STMN1: variants seen among roughly 807,000 people sequenced by gnomAD.
STMN1 encodes the protein stathmin 1.
Under a neutral mutation model 19.7 loss-of-function variants are expected in STMN1, and 3 were observed. That is an observed-to-expected ratio of 0.15 (90% CI 0.07 to 0.39). The LOEUF (loss-of-function observed/expected upper bound fraction) is 0.39. Among genes scored for constraint, STMN1 ranks in the 10% least tolerant of loss-of-function variants. STMN1 has a pLI of 1.00. For missense variants in STMN1, 99 were observed against 176.0 expected (o/e 0.56, Z 2.48); for synonymous variants, 59 against 58.9 (o/e 1.00, Z -0.01).
chr1:25,895,384 G>A (rs982382766), downstream of STMN1, among the ~76,000 whole-genome samples: 2 of 152,168 alleles, frequency 1.3e-5, no homozygotes, highest in Non-Finnish European at 2.9e-5. Flanking sequence ...GGGATTACAG[G>A]CTATTACACG....
Position 25,906,066 on chromosome 1 carries a change from C to T in STMN1, c.-63+323G>A, listed in dbSNP as rs536604636. Reference sequence around the variant, plus strand: ...ACAATGGGGAACCCGGCGGGGCCCGCAGGGAAGGGAGGGAGGGAGGGAGGT... The same window carrying T: ...ACAATGGGGAACCCGGCGGGGCCCGTAGGGAAGGGAGGGAGGGAGGGAGGT... On this transcript the variant is annotated intron_variant, in intron 1 of 4. Transcript: ENST00000455785. The surrounding 1 kb of genome is among the most constrained non-coding windows in gnomAD (Gnocchi z 4.5). The T allele has an allele frequency of 6.7e-6, 1 of 150,140 alleles. No individual in the cohort carries two copies. Among genetic ancestry groups the T allele is most frequent in the East Asian group, 2.0e-4 (1 of 5,018 alleles). The allele number at this position is 150,140 out of a possible 1,614,324, so 9.3% of individuals were successfully genotyped here. A position where few individuals can be genotyped will look rare whatever the true frequency, so the allele number is the denominator to read the frequency against.
At chr1:25,906,458 CAG>C (rs756586254), upstream of STMN1, 10 of 154,322 alleles carry the variant, frequency 6.5e-5, no homozygotes, top group African/African-American at 2.4e-4. The surrounding 1 kb of genome is among the most constrained non-coding windows in gnomAD (Gnocchi z 4.5). Flanking sequence ...AAGCGCCAAA[CAG>C]AGGCACGTGA....
At chr1:25,895,479 C>G (rs2048811613), downstream of STMN1, among the ~76,000 whole-genome samples, 1 of 152,114 alleles carries the variant, frequency 6.6e-6, no homozygotes. Context: ...GTGTCAGGGA[C>G]TGCAAATGCT....
intron 4 of STMN1, among the ~76,000 whole-genome samples, chr1:25,889,937 C>A (rs895212758): frequency 1.3e-5 from 2 of 152,222 alleles, no homozygotes; most frequent in African/African-American, 4.8e-5. Flanking sequence ...CAGGAACACA[C>A]TGCACCTGCC....
exon 5 of STMN1, chr1:25,885,692 C>A: frequency 6.5e-7 from 1 of 1,539,924 alleles, no homozygotes; most frequent in Non-Finnish European, 8.8e-7. Flanking sequence ...AAGGTCATTG[C>A]TATCATCAAC....
intron 1 of STMN1, 89 bp from the exon 2 acceptor site, chr1:25,904,827 C>A: frequency 1.2e-6 from 1 of 850,350 alleles, no homozygotes; most frequent in Non-Finnish European, 1.7e-6. Context: ...CATCTACATA[C>A]ATCGTCAGAA....
rs757086812 is a variant in STMN1, at chr1:25,903,730, G to C, written c.97C>G (p.Pro33Ala). Residue 33 changes from proline (P) to alanine (A), a missense_variant, in exon 3 of 5, where the codon CCA (proline) becomes GCA (alanine). Pro to Ala is a conservative substitution (Grantham distance 27). This residue lies in a region of STMN1 where 37 missense variants were observed against 57.9 expected (regional missense o/e 0.64). Transcript: ENST00000455785. Reference sequence around the variant, plus strand: ...TTTGGAGGGGAAAGGGGGAATTCTGGAACAGATTCTTTTGACCGAGGGCTG... The same window carrying C: ...TTTGGAGGGGAAAGGGGGAATTCTGCAACAGATTCTTTTGACCGAGGGCTG... ...ILSPRSKESV[P>A]EFPLSPPKKK... The C allele has an allele frequency of 1.2e-6, 2 of 1,613,984 alleles. No individual in the cohort carries two copies. The highest frequency in any genetic ancestry group is 1.7e-6 in the Non-Finnish European group (2 of 1,180,022).
rs545561522 is a variant in STMN1 at position 25,901,359 on chromosome 1, C to T, written c.378+132G>A. 10 of 1,227,508 alleles carry T rather than the reference C, an allele frequency of 8.1e-6. No individual in the cohort carries two copies. In the East Asian group the frequency reaches 2.4e-4, roughly 29 times the overall value. The allele number at this position is 1,227,508 out of a possible 1,614,324, so 76.0% of individuals were successfully genotyped here. Reference sequence around the variant, plus strand: ...ATATTCCATCTTAAAATATACCTTTCATTTAATATGTTAAGCCCCAAAATG... The same window carrying T: ...ATATTCCATCTTAAAATATACCTTTTATTTAATATGTTAAGCCCCAAAATG... On this transcript the variant is annotated intron_variant, in intron 4 of 4. Coordinates refer to ENST00000455785, the MANE Select transcript of STMN1 (RefSeq NM_005563.4).
At chr1:25,891,939 C>T (rs1423547717) in intron 4 of STMN1, among the ~76,000 whole-genome samples, 1 of 152,134 alleles carries the variant, frequency 6.6e-6, no homozygotes, top group Non-Finnish European at 1.5e-5. Flanking sequence ...ATGCAGCCTG[C>T]GAGGGGGTCT....
chr1:25,902,926 T>C (rs1448023710), intron 3 of STMN1: 3 of 152,182 alleles, frequency 2.0e-5, no homozygotes, highest in Non-Finnish European at 1.5e-5. Context: ...ATCAGGGTTG[T>C]TGAGAAAGGG....
Position 25,892,717 on chromosome 1 carries a change from G to T in STMN1, c.379-6848C>A, listed in dbSNP as rs2048787273. ...CTAGCCTTCCTGGCCCGGGCACACG[G>T]GACAGCACTACCCCAGGCTTTGCAG... On this transcript the variant is annotated intron_variant, in intron 4 of 4. Transcript: ENST00000426559. 9.5e-6 allele frequency: 4 copies of T among 419,508 alleles called. No homozygotes were observed. In the South Asian group the frequency reaches 4.0e-4, roughly 42 times the overall value. 26.0% of individuals were successfully genotyped at this position (419,508 alleles called of 1,614,324 possible).
At chr1:25,894,560 G>T (rs2048802801) in intron 4 of STMN1, among the ~76,000 whole-genome samples, 1 of 152,064 alleles carries the variant, frequency 6.6e-6, no homozygotes, top group Admixed American at 6.5e-5. Context: ...TGCACCTATA[G>T]TCCAAGCTAC....
intron 3 of STMN1, chr1:25,902,793 T>A (rs541276669): frequency 6.6e-6 from 1 of 152,258 alleles, no homozygotes; most frequent in African/African-American, 2.4e-5. Flanking sequence ...GACGACTCCT[T>A]AGTGTAAGCA....
chr1:25,889,446 A>C (rs2048752953), intron 4 of STMN1, among the ~76,000 whole-genome samples: 6 of 138,088 alleles, frequency 4.3e-5, no homozygotes, highest in African/African-American at 8.2e-5. Flanking sequence ...CCCCACACCT[A>C]CTCCTTCTCC....
intron 4 of STMN1, among the ~76,000 whole-genome samples, chr1:25,890,033 T>G (rs1054681291): frequency 6.6e-6 from 1 of 152,186 alleles, no homozygotes; most frequent in Admixed American, 6.5e-5. Context: ...CCCCCCAGGA[T>G]GTAAACAAGG....
chr1:25,888,266 G>A (rs2048741927), intron 4 of STMN1, among the ~76,000 whole-genome samples: 1 of 152,190 alleles, frequency 6.6e-6, no homozygotes, highest in Middle Eastern at 3.4e-3. Context: ...GAGGGCTGTG[G>A]GAATAGACAT....
At chr1:25,897,245 G>A (rs1201244178), downstream of STMN1, among the ~76,000 whole-genome samples, 6 of 151,542 alleles carry the variant, frequency 4.0e-5, no homozygotes, top group Admixed American at 6.6e-5. Context: ...CTGGGGAGGC[G>A]GAGGTTGCAG....
Position 25,906,172 on chromosome 1 carries a change from C to G in STMN1, c.-63+217G>C, listed in dbSNP as rs2048945542. ...CGGTGATCGCCCAGCCCCCTGCCCA[C>G]GAACAGCCGCGCCCCCGGAGAGCGG... is the stretch of plus-strand genomic sequence containing the variant. On this transcript the variant is annotated intron_variant, in intron 1 of 4. Transcript: ENST00000455785. The surrounding 1 kb of genome is among the most constrained non-coding windows in gnomAD (Gnocchi z 4.5). 6.6e-6 allele frequency: 1 copy of G among 152,254 alleles called. No individual in the cohort carries two copies. The allele number at this position is 152,254 out of a possible 1,614,324, so 9.4% of individuals were successfully genotyped here.
downstream of STMN1, among the ~76,000 whole-genome samples, chr1:25,898,168 G>A (rs1457319457): frequency 6.6e-6 from 1 of 152,224 alleles, no homozygotes; most frequent in African/African-American, 2.4e-5. Context: ...AAATGGGGAG[G>A]GGGCCTGCCT....
Sources: gnomAD v4.1 joint callset for allele counts (sites outside exome capture counted in the v4.1 genomes callset) on GRCh38, gnomAD v4.1.1 for gene constraint, gnomAD v4.1.1 regional missense constraint, Gnocchi (gnomAD v3.1) non-coding constraint, MANE v1.5 for transcripts, NCBI Gene and HGNC (gene_info 2026-07-23, HGNC 2026-07-21) for gene names.